Variants in GRIA1 observed in about 807,000 individuals in gnomAD.
The protein encoded by GRIA1 is glutamate receptor 1.
Under a neutral mutation model 99.2 loss-of-function variants are expected in GRIA1, and 31 were observed. The ratio of observed to expected loss-of-function variants is 0.31; its 90% confidence interval spans 0.23 to 0.42. The LOEUF (loss-of-function observed/expected upper bound fraction) is 0.42. GRIA1 is among the 10% of genes least tolerant of loss of function. GRIA1 has a pLI of 1.00. For synonymous variants in GRIA1, 438 were observed against 432.4 expected (o/e 1.01, Z -0.16); for missense variants, 782 against 1,157.5 (o/e 0.68, Z 4.71).
chr5:153,677,524 C>T (rs1291711671), intron 7 of GRIA1, among the ~76,000 whole-genome samples: 2 of 152,214 alleles, frequency 1.3e-5, no homozygotes, highest in Non-Finnish European at 2.9e-5. Flanking sequence ...TTCTGGATTT[C>T]TTCCTTTGCT....
At chr5:153,696,059 C>T (rs951181388) in intron 8 of GRIA1, among the ~76,000 whole-genome samples, 4 of 152,162 alleles carry the variant, frequency 2.6e-5, no homozygotes, top group Non-Finnish European at 2.9e-5. Flanking sequence ...CTAATGGGAA[C>T]GTACACAAGG....
At chr5:153,761,721 G>T (rs181478605) in intron 11 of GRIA1, among the ~76,000 whole-genome samples, 31 of 152,306 alleles carry the variant, frequency 2.0e-4, no homozygotes, top group Middle Eastern at 3.4e-3. Context: ...GCACTTTCAT[G>T]TTTATTGCAG....
intron 2 of GRIA1, among the ~76,000 whole-genome samples, chr5:153,538,561 C>G (rs780117678): frequency 4.6e-5 from 7 of 152,084 alleles, no homozygotes; most frequent in Admixed American, 3.9e-4. Flanking sequence ...ATAGGTGGCT[C>G]TTAGTCAGCT....
chr5:153,601,854 A>G (rs1288356333), intron 2 of GRIA1, among the ~76,000 whole-genome samples: 1 of 152,216 alleles, frequency 6.6e-6, no homozygotes, highest in Non-Finnish European at 1.5e-5. Flanking sequence ...TTCTGCAAAT[A>G]TTCATTGTGA....
chr5:153,630,081 A>C (rs900910083), intron 2 of GRIA1, among the ~76,000 whole-genome samples: 1 of 124,520 alleles, frequency 8.0e-6, no homozygotes, highest in Non-Finnish European at 2.0e-5. Flanking sequence ...CTGCCTACCT[A>C]TGTTTTAGTC....
intron 2 of GRIA1, among the ~76,000 whole-genome samples, chr5:153,522,039 C>T (rs1170507010): frequency 6.6e-6 from 1 of 152,238 alleles, no homozygotes; most frequent in East Asian, 1.9e-4. Flanking sequence ...TTTTCTCATG[C>T]CACCTGGAGA....
chr5:153,549,706 C>A (rs779097527), intron 2 of GRIA1, among the ~76,000 whole-genome samples: 6 of 152,068 alleles, frequency 3.9e-5, no homozygotes, highest in Non-Finnish European at 7.4e-5. Flanking sequence ...GTCAGGCAAC[C>A]CACTTGTAGA....
At chr5:153,556,913 A>T (rs1760697041) in intron 2 of GRIA1, among the ~76,000 whole-genome samples, 1 of 152,200 alleles carries the variant, frequency 6.6e-6, no homozygotes, top group African/African-American at 2.4e-5. Flanking sequence ...AGCCTACTAC[A>T]CACCTAGGCT....
intron 8 of GRIA1, among the ~76,000 whole-genome samples, chr5:153,689,656 C>A (rs1321875268): frequency 6.6e-6 from 1 of 152,182 alleles, no homozygotes; most frequent in Non-Finnish European, 1.5e-5. Context: ...GTCTCATAGT[C>A]TCTCTGGGTC....
In GRIA1 at chr5:153,625,734, A is replaced by T. The variant is rs147147820; in HGVS notation, c.221-21194A>T. Among the ~76,000 whole-genome samples, 569 of 152,320 alleles carry T rather than the reference A, an allele frequency of 3.7e-3. 2 individuals are homozygous for T. The highest frequency in any genetic ancestry group is 0.02 in the Middle Eastern group (6 of 294). ...CCTTGAAAGAGAAAATTCAAACAGG[A>T]TCCAGTGAAGTTTCTATAGCAACAT... On this transcript the variant is annotated intron_variant, in intron 2 of 15. Coordinates refer to ENST00000285900, the MANE Select transcript of GRIA1 (RefSeq NM_000827.4).
chr5:153,740,851 C>T (rs1045097868), intron 11 of GRIA1, among the ~76,000 whole-genome samples: 3 of 152,062 alleles, frequency 2.0e-5, no homozygotes, highest in African/African-American at 4.8e-5. Context: ...CATTCTTAGC[C>T]CCAGGAAAGT....
At chr5:153,491,317 T>A (rs1753896687) in intron 1 of GRIA1, 1 of 1,193,056 alleles carries the variant, frequency 8.4e-7, no homozygotes, top group Admixed American at 4.1e-5. Context: ...AGATGGTGCT[T>A]GATTCCATTT....
At chr5:153,510,732 G>T (rs576180892) in intron 2 of GRIA1, among the ~76,000 whole-genome samples, 1 of 152,284 alleles carries the variant, frequency 6.6e-6, no homozygotes, top group East Asian at 1.9e-4. Flanking sequence ...AGCAAATAAA[G>T]GATGATTTTA....
intron 2 of GRIA1, among the ~76,000 whole-genome samples, chr5:153,532,014 A>G (rs1411165379): frequency 6.6e-6 from 1 of 152,136 alleles, no homozygotes; most frequent in Non-Finnish European, 1.5e-5. Flanking sequence ...ATTGGAGTCC[A>G]TATTTTGACT....
intron 5 of GRIA1, among the ~76,000 whole-genome samples, chr5:153,662,902 G>T (rs184753685): frequency 1.3e-5 from 2 of 152,250 alleles, no homozygotes; most frequent in Non-Finnish European, 2.9e-5. Flanking sequence ...GACTCTCTTT[G>T]CTGATGAAGC....
At chr5:153,651,344 A>G (rs1053049753) in intron 4 of GRIA1, among the ~76,000 whole-genome samples, 4 of 152,162 alleles carry the variant, frequency 2.6e-5, no homozygotes, top group Non-Finnish European at 5.9e-5. Context: ...ATTCTTCTAT[A>G]AACAGGCATT....
At chr5:153,527,743 G>A (rs571940) in intron 2 of GRIA1, among the ~76,000 whole-genome samples, 53,736 of 152,070 alleles carry the variant, frequency 0.35, 9,890 homozygotes, top group African/African-American at 0.46. Context: ...CATAAGCATC[G>A]TGTGTGTACA....
intron 2 of GRIA1, among the ~76,000 whole-genome samples, chr5:153,560,590 T>C (rs1761034847): frequency 6.6e-6 from 1 of 152,226 alleles, no homozygotes; most frequent in Non-Finnish European, 1.5e-5. Context: ...CATGCTTTCT[T>C]GCCTGCCACC....
At chr5:153,633,483 T>A (rs1753121845) in intron 2 of GRIA1, among the ~76,000 whole-genome samples, 1 of 152,170 alleles carries the variant, frequency 6.6e-6, no homozygotes, top group Non-Finnish European at 1.5e-5. Flanking sequence ...AACTAAATAC[T>A]TGGTAGTGAG....
Sources: gnomAD v4.1 joint callset for allele counts (sites outside exome capture counted in the v4.1 genomes callset) on GRCh38, gnomAD v4.1.1 for gene constraint, MANE v1.5 for transcripts, NCBI Gene and HGNC (gene_info 2026-07-23, HGNC 2026-07-21) for gene names.